Variants in FASTKD1 observed in about 807,000 individuals in gnomAD.
FASTKD1 encodes FAST kinase domain-containing protein 1, mitochondrial.
Under a neutral mutation model 90.9 loss-of-function variants are expected in FASTKD1, and 94 were observed. The observed-to-expected ratio is 1.03, with a 90% confidence interval of 0.88 to 1.23. FASTKD1 has a LOEUF of 1.23. FASTKD1 is among the 50% of genes most tolerant of loss of function. FASTKD1 has a pLI of 0.00. For synonymous variants in FASTKD1, 319 were observed against 345.8 expected (o/e 0.92, Z 0.86); for missense variants, 945 against 993.5 (o/e 0.95, Z 0.66).
rs543209172 is a variant in FASTKD1, at chr2:169,553,189, G to A, written c.1214+1935C>T. On this transcript the variant is annotated intron_variant, in intron 7 of 14. Transcript: ENST00000453153. ...TCTACTGCAGCCTGGGTGACAGGGC[G>A]AGACTGCATCTCAAAAAACAACAAA... is the stretch of plus-strand genomic sequence containing the variant. Among the ~76,000 whole-genome samples the A allele has an allele frequency of 1.1e-4, 16 of 147,356 alleles. No homozygotes were observed. In the South Asian group the frequency reaches 1.3e-3, roughly 12 times the overall value.
rs1416415039 is a variant in FASTKD1, at chr2:169,546,481, G to A, written c.1438C>T (p.Leu480Phe). The change falls in exon 8 of 15, where the codon CTT becomes TTT. Residue 480 changes from leucine (L) to phenylalanine (F), a missense_variant. Physicochemically the swap from Leu to Phe is conservative, Grantham distance 22 (BLOSUM62 0). Coordinates refer to ENST00000453153, the MANE Select transcript of FASTKD1 (RefSeq NM_024622.6). ...CGACCATAGTGATCTAATTTTTGAAGTAGTTTCAGTTGTTTCGCAGTCATA... is the reference window on the plus strand; with the variant it reads ...CGACCATAGTGATCTAATTTTTGAAATAGTTTCAGTTGTTTCGCAGTCATA... ...DNMTAKQLKL[L>F]QKLDHYGRQR... is the part of the protein sequence containing the mutation. The A allele has an allele frequency of 1.2e-6, 2 of 1,614,044 alleles. No individual in the cohort carries two copies. Among genetic ancestry groups the A allele is most frequent in the Non-Finnish European group, 1.7e-6 (2 of 1,180,036 alleles).
intron 7 of FASTKD1, among the ~76,000 whole-genome samples, chr2:169,552,549 C>T (rs1438003668): frequency 6.6e-6 from 1 of 152,026 alleles, no homozygotes; most frequent in East Asian, 1.9e-4. Flanking sequence ...ATATTTAATA[C>T]ACCTTTAATC....
At chr2:169,560,029 T>C (rs996622963) in intron 5 of FASTKD1, among the ~76,000 whole-genome samples, 1 of 152,142 alleles carries the variant, frequency 6.6e-6, no homozygotes. Flanking sequence ...CCCTCTGCTA[T>C]GACTACTATA....
chr2:169,530,694 A>G lies in FASTKD1; in HGVS notation c.2335T>C (p.Leu779=). The change falls in exon 14 of 15, where the codon TTG becomes CTG. Residue 779 remains leucine (L), a synonymous_variant. Coordinates refer to ENST00000453153, the MANE Select transcript of FASTKD1 (RefSeq NM_024622.6). ...AGTGCTTTTGAATCCAAAAATTCCA[A>G]AGCAATCCTACATAAAATAAAAAAA... ...RLPPGAERIA[L]EFLDSKALCR... is the part of the protein sequence containing the mutation. 6.4e-7 allele frequency: 1 copy of G among 1,558,442 alleles called. No individual in the cohort carries two copies. The highest frequency in any genetic ancestry group is 8.8e-7 in the Non-Finnish European group (1 of 1,139,150).
chr2:169,552,993 G>C (rs1275149193), intron 7 of FASTKD1, among the ~76,000 whole-genome samples: 2 of 152,030 alleles, frequency 1.3e-5, no homozygotes, highest in African/African-American at 4.8e-5. Flanking sequence ...GATCACTTGA[G>C]GTCAGGAGAT....
chr2:169,546,012 A>T (rs1415623779), intron 8 of FASTKD1, among the ~76,000 whole-genome samples: 1 of 152,124 alleles, frequency 6.6e-6, no homozygotes. Context: ...TAGCTCACTG[A>T]GCCTTAATTC....
At chr2:169,570,257 C>G (rs1008455310) in intron 2 of FASTKD1, among the ~76,000 whole-genome samples, 2 of 152,160 alleles carry the variant, frequency 1.3e-5, no homozygotes, top group Non-Finnish European at 2.9e-5. Context: ...ACTGCTGAAG[C>G]CTTCATTCAG....
intron 4 of FASTKD1, among the ~76,000 whole-genome samples, chr2:169,562,049 AATT>A (rs1683703573): frequency 7.7e-6 from 1 of 130,428 alleles, no homozygotes; most frequent in African/African-American, 2.9e-5. Flanking sequence ...ATTGTAAATT[AATT>A]ATTTATTAAT....
In FASTKD1 at chr2:169,557,083, T is replaced by C. The variant is rs1380578179; in HGVS notation, c.1082+104A>G. 1.6e-5 allele frequency: 12 copies of C among 749,606 alleles called. No homozygotes were observed. The Admixed American group carries it at 2.6e-4, about 16-fold the overall frequency. 46.4% of individuals were successfully genotyped at this position (749,606 alleles called of 1,614,324 possible). A position where few individuals can be genotyped will look rare whatever the true frequency, so the allele number is the denominator to read the frequency against. On this transcript the variant is annotated intron_variant, in intron 6 of 14. Transcript: ENST00000453153. ...GCTTAAGCATTAATTCCTTATTTCT[T>C]CAAAACAACTGGTAGATTAAAGAAG...
intron 12 of FASTKD1, among the ~76,000 whole-genome samples, chr2:169,533,354 C>T (rs990402214): frequency 6.6e-6 from 1 of 151,972 alleles, no homozygotes; most frequent in Non-Finnish European, 1.5e-5. Context: ...GGCACTGAAC[C>T]ATCTTTAAAT....
chr2:169,562,110 T>G lies in FASTKD1; in HGVS notation c.572+1115A>C, dbSNP rs1006871727. ...TAATTTATTGTAAAATAATTATTTA[T>G]TAATTTATTGTAAATTAATTATTTA... On this transcript the variant is annotated intron_variant, in intron 4 of 14. Coordinates refer to ENST00000453153, the MANE Select transcript of FASTKD1 (RefSeq NM_024622.6). 2.2e-4 allele frequency among the ~76,000 whole-genome samples: 27 copies of G among 124,040 alleles called. 4 individuals carry two copies. Among genetic ancestry groups the G allele is most frequent in the Non-Finnish European group, 4.0e-4 (21 of 52,962 alleles). The allele number at this position is 124,040 out of a possible 152,430, so 81.4% of individuals were successfully genotyped here. A position where few individuals can be genotyped will look rare whatever the true frequency, so the allele number is the denominator to read the frequency against.
chr2:169,562,580 A>G (rs1011842694), intron 4 of FASTKD1, among the ~76,000 whole-genome samples: 1 of 152,112 alleles, frequency 6.6e-6, no homozygotes, highest in African/African-American at 2.4e-5. Context: ...ACTTCATGAT[A>G]TAATAATAAT....
chr2:169,530,721 A>G lies in FASTKD1; in HGVS notation c.2328-20T>C. On this transcript the variant is annotated intron_variant, in intron 13 of 14. Coordinates refer to ENST00000453153, the MANE Select transcript of FASTKD1 (RefSeq NM_024622.6). Reference sequence around the variant, plus strand: ...GCAATCCTACATAAAATAAAAAAATATTTACTCCTAAAATCAGAATAAGAA... The same window carrying G: ...GCAATCCTACATAAAATAAAAAAATGTTTACTCCTAAAATCAGAATAAGAA... 8.0e-7 allele frequency: 1 copy of G among 1,255,130 alleles called. No homozygotes were observed. Among genetic ancestry groups the G allele is most frequent in the Non-Finnish European group, 1.1e-6 (1 of 876,914 alleles). The allele number at this position is 1,255,130 out of a possible 1,614,324, so 77.7% of individuals were successfully genotyped here.
chr2:169,536,132 A>G (rs1684714361), intron 12 of FASTKD1, among the ~76,000 whole-genome samples: 1 of 152,196 alleles, frequency 6.6e-6, no homozygotes, highest in South Asian at 2.1e-4. Context: ...AAATAAAAAT[A>G]AATTCATTGA....
At chr2:169,561,864 T>TTTATTAATTTATTGTAA (rs1559156859) in intron 4 of FASTKD1, among the ~76,000 whole-genome samples, 3 of 19,498 alleles carry the variant, frequency 1.5e-4, no homozygotes, top group Non-Finnish European at 3.9e-4. Context: ...TATTGTAAAA[T>TTTATTAATTTATTGTAA]AATTATTTAT....
In FASTKD1 at chr2:169,552,513, A is replaced by T. The variant is rs115298191; in HGVS notation, c.1214+2611T>A. ...ATAAGTGCATAAAGAAAATGTGGTA[A>T]ATATACACCATGGATATCATGGTGT... On this transcript the variant is annotated intron_variant, in intron 7 of 14. Coordinates refer to ENST00000453153, the MANE Select transcript of FASTKD1 (RefSeq NM_024622.6). Among the ~76,000 whole-genome samples the T allele has an allele frequency of 2.8e-3, 422 of 152,288 alleles. 2 individuals are homozygous for T. Among genetic ancestry groups the T allele is most frequent in the African/African-American group, 9.7e-3 (404 of 41,560 alleles).
rs1684334359 is a variant in FASTKD1, at chr2:169,573,730, C to T, written c.-204G>A. On this transcript the variant is annotated 5_prime_UTR_variant, in exon 1 of 15. Transcript: ENST00000453153. Reference sequence around the variant, plus strand: ...GGAGGATCCTGGGGTTATGAAAGCTCAGAAGTCAGGGTTATTCCTGGTCCC... The same window carrying T: ...GGAGGATCCTGGGGTTATGAAAGCTTAGAAGTCAGGGTTATTCCTGGTCCC... 6.6e-6 allele frequency: 1 copy of T among 152,256 alleles called. No homozygotes were observed. 9.4% of individuals were successfully genotyped at this position (152,256 alleles called of 1,614,324 possible). A position where few individuals can be genotyped will look rare whatever the true frequency, so the allele number is the denominator to read the frequency against.
intron 3 of FASTKD1, among the ~76,000 whole-genome samples, chr2:169,568,963 C>T (rs1305546439): frequency 1.3e-5 from 2 of 149,664 alleles, no homozygotes; most frequent in African/African-American, 4.9e-5. Context: ...CACGCCACTG[C>T]ACTCCAGCCT....
chr2:169,543,137 G>A (rs1305382230), intron 9 of FASTKD1, among the ~76,000 whole-genome samples: 2 of 152,050 alleles, frequency 1.3e-5, no homozygotes, highest in African/African-American at 2.4e-5. Context: ...AAAGATGGAG[G>A]AAAAGACATA....
Sources: allele counts gnomAD v4.1 joint callset (sites outside exome capture counted in the v4.1 genomes callset), GRCh38; gene constraint gnomAD v4.1.1; transcripts MANE v1.5; gene names NCBI Gene and HGNC (gene_info 2026-07-23, HGNC 2026-07-21).